UQCC6: variants seen among roughly 807,000 people sequenced by gnomAD.
UQCC6 encodes the protein ubiquinol-cytochrome c reductase complex assembly factor 6, also known as protein BRAWNIN.
the UQCC6 span, among the ~76,000 whole-genome samples, chr12:103,960,785 C>T: frequency 6.6e-6 from 1 of 152,100 alleles, no homozygotes; most frequent in Non-Finnish European, 1.5e-5. Flanking sequence ...CTGTCAAACA[C>T]CATGTGTCCG....
chr12:103,956,983 G>C, the UQCC6 span: 1 of 513,238 alleles, frequency 1.9e-6, no homozygotes, highest in Non-Finnish European at 3.5e-6. Flanking sequence ...TCAGTGAGGG[G>C]CGCCGGCCTG....
At chr12:103,951,548 A>G in the UQCC6 span, 1 of 1,546,196 alleles carries the variant, frequency 6.5e-7, no homozygotes, top group Non-Finnish European at 8.7e-7. Context: ...CTGTTGAGAA[A>G]CTTGAGGTTT....
the UQCC6 span, chr12:103,965,611 C>G: frequency 5.4e-6 from 1 of 186,200 alleles, no homozygotes; most frequent in South Asian, 1.8e-4. Flanking sequence ...ACACAGCACC[C>G]CAAGGACAGC....
the UQCC6 span, chr12:103,951,353 A>C: frequency 2.0e-5 from 10 of 493,068 alleles, no homozygotes; most frequent in Non-Finnish European, 3.6e-5. Context: ...GCAGTTTTCA[A>C]GAAATATCAA....
At chr12:103,956,884 C>T in the UQCC6 span, 1 of 603,000 alleles carries the variant, frequency 1.7e-6, no homozygotes, top group African/African-American at 1.9e-5. Flanking sequence ...GGTTCTCGCC[C>T]AACCCCACGC....
the UQCC6 span, chr12:103,953,653 A>G: frequency 1.5e-6 from 1 of 684,534 alleles, no homozygotes; most frequent in East Asian, 2.7e-5. Context: ...ACAGCCAGCC[A>G]CCTGGGCCTT....
the UQCC6 span, among the ~76,000 whole-genome samples, chr12:103,957,985 T>TTATATATTTTTAATATATA: frequency 2.4e-5 from 3 of 126,406 alleles, no homozygotes; most frequent in Non-Finnish European, 5.4e-5. Context: ...TTAATATATA[T>TTATATATTTTTAATATATA]TTATATATTT....
the UQCC6 span, among the ~76,000 whole-genome samples, chr12:103,959,154 C>T: frequency 1.3e-5 from 2 of 152,208 alleles, no homozygotes; most frequent in South Asian, 2.1e-4. Context: ...TACTTCAGAA[C>T]GCTGACTCCA....
the UQCC6 span, among the ~76,000 whole-genome samples, chr12:103,954,056 A>T: frequency 7.8e-6 from 1 of 127,994 alleles, no homozygotes; most frequent in Admixed American, 8.0e-5. Flanking sequence ...TTGTTTGTAC[A>T]AAAACTACAT....
the UQCC6 span, among the ~76,000 whole-genome samples, chr12:103,963,084 T>TA: frequency 6.6e-6 from 1 of 151,786 alleles, no homozygotes; most frequent in Non-Finnish European, 1.5e-5. Flanking sequence ...CTTTTTTTTT[T>TA]TTTTTTTGAG....
At chr12:103,965,270 A>T in the UQCC6 span, among the ~76,000 whole-genome samples, 2 of 152,208 alleles carry the variant, frequency 1.3e-5, no homozygotes, top group Admixed American at 1.3e-4. Context: ...GATTTAAAAG[A>T]GGGGTTAGTC....
chr12:103,950,869 T>C, the UQCC6 span: 1 of 152,222 alleles, frequency 6.6e-6, no homozygotes, highest in African/African-American at 2.4e-5. Flanking sequence ...CCACTTACTC[T>C]GTACCTGTAA....
the UQCC6 span, chr12:103,954,935 A>G: frequency 1.4e-6 from 1 of 701,768 alleles, no homozygotes; most frequent in South Asian, 1.5e-5. Flanking sequence ...TGACTTTGAG[A>G]AATCAACTTC....
At chr12:103,955,787 A>C in the UQCC6 span, 6 of 455,982 alleles carry the variant, frequency 1.3e-5, no homozygotes, top group East Asian at 4.2e-4. Flanking sequence ...GCATAACAGC[A>C]CATTCTTGTA....
chr12:103,957,267 C>T, the UQCC6 span: 2 of 152,092 alleles, frequency 1.3e-5, no homozygotes, highest in African/African-American at 4.8e-5. Context: ...CCGGCGCAGG[C>T]ACGTGACGCA....
chr12:103,956,771 G>A, the UQCC6 span: 1 of 1,453,754 alleles, frequency 6.9e-7, no homozygotes, highest in South Asian at 1.2e-5. Context: ...GGAAGGGGCA[G>A]TGTCAGAAGT....
the UQCC6 span, among the ~76,000 whole-genome samples, chr12:103,960,741 C>T: frequency 6.6e-6 from 1 of 152,082 alleles, no homozygotes; most frequent in Non-Finnish European, 1.5e-5. Context: ...TTACAACGAA[C>T]CTGAAAAAAT....
the UQCC6 span, among the ~76,000 whole-genome samples, chr12:103,958,222 A>T: frequency 1.3e-5 from 2 of 151,370 alleles, no homozygotes; most frequent in African/African-American, 2.4e-5. Flanking sequence ...TCTCAAAAAA[A>T]AAAAAAAGTT....
chr12:103,959,430 A>C, the UQCC6 span, among the ~76,000 whole-genome samples: 2 of 152,146 alleles, frequency 1.3e-5, no homozygotes, highest in South Asian at 4.1e-4. Flanking sequence ...AGAAATTGCC[A>C]GGCCGGGTGC....
Sources: gnomAD v4.1 joint callset for allele counts (sites outside exome capture counted in the v4.1 genomes callset) on GRCh38, gnomAD v4.1.1 for gene constraint, MANE v1.5 for transcripts, NCBI Gene and HGNC (gene_info 2026-07-23, HGNC 2026-07-21) for gene names.